Variants in TTC7B observed in about 807,000 individuals in gnomAD.
TTC7B encodes the protein tetratricopeptide repeat protein 7B.
In TTC7B, 28 loss-of-function variants were observed where a neutral mutation model predicts 106.8. That is an observed-to-expected ratio of 0.26 (90% CI 0.19 to 0.36). The LOEUF is 0.36. Among genes scored for constraint, TTC7B ranks in the 10% least tolerant of loss-of-function variants. TTC7B has a pLI of 1.00. For synonymous variants in TTC7B, 405 were observed against 430.6 expected (o/e 0.94, Z 0.74); for missense variants, 862 against 1,076.4 (o/e 0.80, Z 2.79).
At chr14:90,592,254 C>T (rs1385793503) in intron 18 of TTC7B, among the ~76,000 whole-genome samples, 7 of 152,214 alleles carry the variant, frequency 4.6e-5, no homozygotes, top group Non-Finnish European at 1.0e-4. Context: ...TTTCACCACA[C>T]ACTGTAAGAG....
Position 90,644,191 on chromosome 14 carries a change from C to A in TTC7B, c.1608G>T (p.Gly536=), listed in dbSNP as rs748379060. 9.4e-6 allele frequency: 15 copies of A among 1,597,024 alleles called. No homozygotes were observed. Among genetic ancestry groups the A allele is most frequent in the Admixed American group, 1.8e-5 (1 of 55,190 alleles). The change falls in exon 15 of 20, where the codon GGG becomes GGT. Residue 536 remains glycine, a synonymous_variant. Coordinates refer to ENST00000328459, the MANE Select transcript of TTC7B (RefSeq NM_001010854.2). ...GAAGCTGAAGAGCTTGGCGGACATACCCCAGAGCCTCTGGGATCTGGTTTA... is the reference window on the plus strand; with the variant it reads ...GAAGCTGAAGAGCTTGGCGGACATAACCCAGAGCCTCTGGGATCTGGTTTA... ...AISRQIPEAL[G]YVRQALQLQG...
At chr14:90,797,563 T>C (rs1055995987) in intron 1 of TTC7B, among the ~76,000 whole-genome samples, 1 of 151,926 alleles carries the variant, frequency 6.6e-6, no homozygotes, top group Non-Finnish European at 1.5e-5. Context: ...GTGATCCCCC[T>C]GCCTCCAGAG....
rs1885788447 is a variant in TTC7B, at chr14:90,652,867, C to G, written c.1491G>C (p.Gln497His). Residue 497 changes from glutamine (Q) to histidine (H), a missense_variant, in exon 13 of 20, where the codon CAG becomes CAC. Coordinates refer to ENST00000328459, the MANE Select transcript of TTC7B (RefSeq NM_001010854.2). ...TCTGAAATGCAAGAAGCGCCTTTCT[C>G]TGTAGGACCTCCTGCATCCCTCGCA... Reference protein sequence around the residue: ...ASLRGMQEVLQRKALLAFQRA... With the variant: ...ASLRGMQEVLHRKALLAFQRA... 6.2e-7 allele frequency: 1 copy of G among 1,614,230 alleles called. No homozygotes were observed. Among genetic ancestry groups the G allele is most frequent in the Non-Finnish European group, 8.5e-7 (1 of 1,180,044 alleles).
rs1027601154 is a variant in TTC7B at position 90,729,574 on chromosome 14, C to T, written c.698+501G>A. ...AACATCAAATGCACTCGAGAGCTGT[C>T]CCTCCCGTTCATGTCCTTCAACCTT... On this transcript the variant is annotated intron_variant, in intron 5 of 19. Coordinates refer to ENST00000328459, the MANE Select transcript of TTC7B (RefSeq NM_001010854.2). 3.9e-5 allele frequency among the ~76,000 whole-genome samples: 6 copies of T among 152,202 alleles called. No homozygotes were observed. The South Asian group carries it at 1.2e-3, about 31-fold the overall frequency.
intron 9 of TTC7B, among the ~76,000 whole-genome samples, chr14:90,659,230 T>TGTGTGTGTGTGTGA (rs559012864): frequency 6.8e-5 from 10 of 146,862 alleles, no homozygotes; most frequent in Admixed American, 2.7e-4. Flanking sequence ...TGTGTGTGTG[T>TGTGTGTGTGTGTGA]GAGAGAGAGA....
intron 3 of TTC7B, among the ~76,000 whole-genome samples, chr14:90,749,819 T>C (rs941831581): frequency 1.8e-4 from 27 of 152,368 alleles, no homozygotes; most frequent in Middle Eastern, 3.4e-3. Flanking sequence ...TCCAGTGTAC[T>C]TTTCATATCA....
At chr14:90,564,904 T>C (rs1400282391) in intron 19 of TTC7B, among the ~76,000 whole-genome samples, 1 of 152,108 alleles carries the variant, frequency 6.6e-6, no homozygotes, top group Non-Finnish European at 1.5e-5. Context: ...GAGTGAGACC[T>C]CAAAAAATAA....
chr14:90,679,065 C>A (rs117501155), intron 8 of TTC7B, among the ~76,000 whole-genome samples: 1 of 152,184 alleles, frequency 6.6e-6, no homozygotes, highest in Non-Finnish European at 1.5e-5. Context: ...CACTTGAATG[C>A]CACCTAGTGC....
rs536425254 is a variant in TTC7B at position 90,666,777 on chromosome 14, G to A, written c.1153-8390C>T. ...TTTATTGCTTTGGCAAACACTTAAA[G>A]GATATCATTGCCTCTGGCCACAGTG... On this transcript the variant is annotated intron_variant, in intron 9 of 19. Coordinates refer to ENST00000328459, the MANE Select transcript of TTC7B (RefSeq NM_001010854.2). Among the ~76,000 whole-genome samples the A allele has an allele frequency of 2.2e-4, 33 of 152,318 alleles. No homozygotes were observed. The South Asian group carries it at 6.8e-3, about 32-fold the overall frequency.
Position 90,624,043 on chromosome 14 carries a change from CA to C in TTC7B, c.1752-5999del, listed in dbSNP as rs756493225. 1.6e-4 allele frequency among the ~76,000 whole-genome samples: 25 copies of C among 152,206 alleles called. No individual in the cohort carries two copies. Among genetic ancestry groups the C allele is most frequent in the Non-Finnish European group, 1.6e-4 (11 of 67,988 alleles). On this transcript the variant is annotated intron_variant, in intron 15 of 19. Transcript: ENST00000328459. This position sits in a 1 kb window ranked among gnomAD's most constrained non-coding sequence, Gnocchi z 4.0. ...CTCAAACAACAAAACAAAAACAAAA[CA>C]AAACAAAACCCATGAGTGTGCCTGT... is the stretch of plus-strand genomic sequence containing the variant.
intron 4 of TTC7B, among the ~76,000 whole-genome samples, chr14:90,737,956 G>A (rs1889609980): frequency 6.6e-6 from 1 of 152,134 alleles, no homozygotes; most frequent in African/African-American, 2.4e-5. Flanking sequence ...CCATAAAATG[G>A]GGATTGACTG....
chr14:90,712,746 T>TC (rs1391953119), intron 5 of TTC7B, among the ~76,000 whole-genome samples: 1 of 151,986 alleles, frequency 6.6e-6, no homozygotes, highest in Non-Finnish European at 1.5e-5. Context: ...TTTTTTTTTC[T>TC]TTTTTGACAG....
intron 15 of TTC7B, among the ~76,000 whole-genome samples, chr14:90,625,625 C>T (rs780569423): frequency 3.3e-5 from 5 of 152,178 alleles, no homozygotes; most frequent in Non-Finnish European, 7.4e-5. Flanking sequence ...CAGCTGTGCA[C>T]GTCCTGGAGC....
At chr14:90,784,740 CT>C (rs1296136441) in intron 2 of TTC7B, among the ~76,000 whole-genome samples, 1 of 152,062 alleles carries the variant, frequency 6.6e-6, no homozygotes, top group Non-Finnish European at 1.5e-5. Flanking sequence ...AGCAGGGAGT[CT>C]TTAAGTACCT....
chr14:90,815,720 A>G (rs1368380413), intron 1 of TTC7B, among the ~76,000 whole-genome samples: 1 of 151,740 alleles, frequency 6.6e-6, no homozygotes, highest in African/African-American at 2.4e-5. Context: ...TCTATGTACA[A>G]CACCCCATTC....
chr14:90,590,986 C>T (rs1319988480), intron 18 of TTC7B, among the ~76,000 whole-genome samples: 5 of 152,208 alleles, frequency 3.3e-5, no homozygotes, highest in Non-Finnish European at 5.9e-5. Context: ...GAACTTGACT[C>T]TGTCCTATGG....
intron 4 of TTC7B, among the ~76,000 whole-genome samples, chr14:90,743,137 T>G (rs1169249386): frequency 6.6e-6 from 1 of 152,230 alleles, no homozygotes; most frequent in Non-Finnish European, 1.5e-5. Flanking sequence ...TCTCTTCTCA[T>G]AGCAACCTTC....
At chr14:90,768,689 T>A (rs1890767028) in intron 3 of TTC7B, among the ~76,000 whole-genome samples, 4 of 152,186 alleles carry the variant, frequency 2.6e-5, no homozygotes, top group Non-Finnish European at 5.9e-5. Flanking sequence ...AGAACTGCCC[T>A]GCAAGAAATG....
chr14:90,766,698 G>A (rs777293994), intron 3 of TTC7B: 27 of 1,441,784 alleles, frequency 1.9e-5, no homozygotes, highest in African/African-American at 9.8e-5. Flanking sequence ...CCAAGAGGGC[G>A]GGAGAACTCA....
Sources: gnomAD v4.1 joint callset for allele counts (sites outside exome capture counted in the v4.1 genomes callset) on GRCh38, gnomAD v4.1.1 for gene constraint, Gnocchi (gnomAD v3.1) non-coding constraint, MANE v1.5 for transcripts, NCBI Gene and HGNC (gene_info 2026-07-23, HGNC 2026-07-21) for gene names.